DPYD: variants seen among roughly 807,000 people sequenced by gnomAD.
DPYD encodes the protein dihydropyrimidine dehydrogenase, also known as dihydropyrimidine dehydrogenase [NADP(+)].
DPYD carries 109 observed loss-of-function variants against 116.2 expected under a neutral mutation model. The observed-to-expected ratio is 0.94, with a 90% confidence interval of 0.80 to 1.10. The LOEUF (loss-of-function observed/expected upper bound fraction) is 1.10. Among genes scored for constraint, DPYD ranks in the 50% least tolerant of loss-of-function variants. The probability of loss-of-function intolerance (pLI) is 0.00; values close to 1 mark genes in which losing one functional copy is unlikely to be tolerated. For synonymous variants in DPYD, 440 were observed against 432.0 expected, an observed-to-expected ratio of 1.02 and a Z score of -0.23; for missense variants, 1,302 against 1,254.5, an observed-to-expected ratio of 1.04 and a Z score of -0.57.
intron 18 of DPYD, among the ~76,000 whole-genome samples, chr1:97,257,192 C>T (rs186358299): frequency 6.6e-6 from 1 of 151,410 alleles, no homozygotes; most frequent in Non-Finnish European, 1.5e-5. Flanking sequence ...AAAAAAGTGA[C>T]ATAATTAAAA....
intron 14 of DPYD, among the ~76,000 whole-genome samples, chr1:97,403,272 T>C (rs1020283656): frequency 2.0e-5 from 3 of 152,058 alleles, no homozygotes; most frequent in Admixed American, 6.6e-5. Context: ...TCTAGACATA[T>C]CCCATTGTAA....
intron 5 of DPYD, chr1:97,700,302 C>T (rs1192652336): frequency 4.4e-6 from 2 of 455,540 alleles, no homozygotes; most frequent in Non-Finnish European, 8.8e-6. Flanking sequence ...AGGCCATTAA[C>T]CTAGAGCAAA....
At position 97,468,530 on chromosome 1, in the gene DPYD, G is replaced by C. The variant is rs140618764; in HGVS notation, c.1741-18307C>G. Among the ~76,000 whole-genome samples, 598 of 152,244 alleles carry C rather than the reference G, an allele frequency of 3.9e-3. 11 individuals are homozygous for C. The highest frequency in any genetic ancestry group is 2.5e-3 in the Non-Finnish European group (171 of 68,006). ...TTCACCAGACACCAAATTTGCCAGT[G>C]CGTTAAACTTAGACTTCTCAACCTC... On this transcript the variant is annotated intron_variant, in intron 13 of 22. Transcript: ENST00000370192.
intron 19 of DPYD, among the ~76,000 whole-genome samples, chr1:97,193,908 A>C (rs1658564749): frequency 6.6e-6 from 1 of 152,182 alleles, no homozygotes; most frequent in African/African-American, 2.4e-5. Flanking sequence ...CCTCAGGCTC[A>C]TGGTAAATGT....
At chr1:97,331,748 G>T (rs1485531330) in intron 16 of DPYD, among the ~76,000 whole-genome samples, 1 of 152,134 alleles carries the variant, frequency 6.6e-6, no homozygotes, top group Non-Finnish European at 1.5e-5. Flanking sequence ...TTTGTGTAGG[G>T]CAGCTTAAGA....
At chr1:97,196,095 T>G (rs1238332272) in intron 19 of DPYD, among the ~76,000 whole-genome samples, 1 of 151,584 alleles carries the variant, frequency 6.6e-6, no homozygotes. Flanking sequence ...GGGTTTTGCA[T>G]TTTGCTTTTT....
chr1:97,084,633 G>T (rs184288727), intron 21 of DPYD, among the ~76,000 whole-genome samples: 4 of 152,150 alleles, frequency 2.6e-5, no homozygotes, highest in African/African-American at 9.6e-5. Context: ...GCATTTAATA[G>T]TTGATGATGT....
At chr1:97,920,417 T>C (rs1418216852) in intron 1 of DPYD, among the ~76,000 whole-genome samples, 1 of 152,100 alleles carries the variant, frequency 6.6e-6, no homozygotes, top group Non-Finnish European at 1.5e-5. Flanking sequence ...GACACACAGA[T>C]GTTTTATTTC....
intron 5 of DPYD, among the ~76,000 whole-genome samples, chr1:97,704,406 T>C (rs1295137850): frequency 6.6e-6 from 1 of 151,996 alleles, no homozygotes; most frequent in African/African-American, 2.4e-5. Flanking sequence ...TGCCAATGAA[T>C]AGATTGTGTA....
At chr1:97,716,236 G>C (rs1007204037) in intron 5 of DPYD, among the ~76,000 whole-genome samples, 3 of 152,000 alleles carry the variant, frequency 2.0e-5, no homozygotes, top group Non-Finnish European at 4.4e-5. Flanking sequence ...AATGTTTACA[G>C]TCCCTTGGAA....
chr1:97,880,690 C>T (rs1029506234), intron 2 of DPYD, among the ~76,000 whole-genome samples: 2 of 151,838 alleles, frequency 1.3e-5, no homozygotes, highest in Non-Finnish European at 2.9e-5. Context: ...CTGAAATATA[C>T]AAAAGTGCCA....
chr1:97,398,280 T>C (rs7549522), intron 14 of DPYD, among the ~76,000 whole-genome samples: 13 of 152,030 alleles, frequency 8.6e-5, no homozygotes, highest in Non-Finnish European at 1.8e-4. Context: ...AGGAACTCAT[T>C]ATTTTTTATG....
intron 18 of DPYD, among the ~76,000 whole-genome samples, chr1:97,242,236 A>G (rs1046323241): frequency 1.4e-5 from 2 of 146,612 alleles, no homozygotes; most frequent in African/African-American, 2.5e-5. Context: ...ATATACAACA[A>G]TGTTCCTGGA....
intron 5 of DPYD, among the ~76,000 whole-genome samples, chr1:97,709,464 A>G (rs1168000281): frequency 3.3e-5 from 5 of 151,782 alleles, no homozygotes; most frequent in African/African-American, 9.7e-5. Flanking sequence ...CTTGAGGAAC[A>G]TTTTTAATAT....
intron 19 of DPYD, among the ~76,000 whole-genome samples, chr1:97,212,225 C>G (rs1236081678): frequency 2.6e-5 from 4 of 152,084 alleles, no homozygotes; most frequent in Non-Finnish European, 4.4e-5. Context: ...CCACTGTTCA[C>G]CACCTCCCCA....
rs200119814 is a variant in DPYD at position 97,449,836 on chromosome 1, T to A, written c.1905+223A>T. Among the ~76,000 whole-genome samples, 5 of 152,350 alleles carry A rather than the reference T, an allele frequency of 3.3e-5. No individual in the cohort carries two copies. The East Asian group carries it at 9.6e-4, about 29-fold the overall frequency. On this transcript the variant is annotated intron_variant, in intron 14 of 22. Transcript: ENST00000370192. ...TCTGCTTATGTAGATACTTCTTCCA[T>A]CTTACATGGCACCCATTTATAACAA...
At position 97,667,706 on chromosome 1, in the gene DPYD, A is replaced by G. The variant is rs145899995; in HGVS notation, c.850+11389T>C. 7.9e-5 allele frequency among the ~76,000 whole-genome samples: 12 copies of G among 152,272 alleles called. No homozygotes were observed. The East Asian group carries it at 2.3e-3, about 29-fold the overall frequency. On this transcript the variant is annotated intron_variant, in intron 8 of 22. Coordinates refer to ENST00000370192, the MANE Select transcript of DPYD (RefSeq NM_000110.4). ...TTGCCAAATTATCTAGCAATTCCACATATGGATGTGTGGCCAAAAGAGATG... is the reference window on the plus strand; with the variant it reads ...TTGCCAAATTATCTAGCAATTCCACGTATGGATGTGTGGCCAAAAGAGATG...
chr1:97,626,592 T>A lies in DPYD; in HGVS notation c.851-31426A>T, dbSNP rs142521435. Among the ~76,000 whole-genome samples, 1,326 of 152,198 alleles carry A rather than the reference T, an allele frequency of 8.7e-3. 21 individuals carry two copies. The highest frequency in any genetic ancestry group is 0.03 in the African/African-American group (1,226 of 41,556). The stretch of plus-strand genomic sequence containing the variant: ...ATCTATAGTTTCTGAATGTGATATA[T>A]ACATTTCACAAACATTGGTCTTCTA... On this transcript the variant is annotated intron_variant, in intron 8 of 22. Coordinates refer to ENST00000370192, the MANE Select transcript of DPYD (RefSeq NM_000110.4).
chr1:97,482,203 C>T (rs1031552742), intron 13 of DPYD, among the ~76,000 whole-genome samples: 4 of 152,138 alleles, frequency 2.6e-5, no homozygotes, highest in African/African-American at 9.7e-5. Flanking sequence ...GTGAACTATA[C>T]AGTTATTTAA....
Sources: gnomAD v4.1 joint callset for allele counts (sites outside exome capture counted in the v4.1 genomes callset) on GRCh38, gnomAD v4.1.1 for gene constraint, MANE v1.5 for transcripts, NCBI Gene and HGNC (gene_info 2026-07-23, HGNC 2026-07-21) for gene names.